The following CEP170 variants were observed in gnomAD, a reference collection of about 807,000 sequenced individuals.
The protein encoded by CEP170 is centrosomal protein 170, also known as centrosomal protein of 170 kDa.
CEP170 carries 21 observed loss-of-function variants against 151.9 expected under a neutral mutation model. The observed-to-expected ratio is 0.14, with a 90% CI of 0.10 to 0.20. The LOEUF is 0.20. Among genes scored for constraint, CEP170 ranks in the 10% least tolerant of loss-of-function variants. The pLI, the probability that CEP170 is intolerant of heterozygous loss-of-function variation, is 1.00. For synonymous variants in CEP170, 356 were observed against 648.8 expected (o/e 0.55, Z 6.86); for missense variants, 964 against 1,892.9 (o/e 0.51, Z 9.11).
chr1:243,242,655 A>G (rs2064969021), intron 1 of CEP170, among the ~76,000 whole-genome samples: 1 of 151,570 alleles, frequency 6.6e-6, no homozygotes, highest in African/African-American at 2.4e-5. Flanking sequence ...CCTTTCACCG[A>G]CTTGGATTCT....
intron 7 of CEP170, among the ~76,000 whole-genome samples, chr1:243,197,141 T>C (rs2148811874): frequency 6.6e-6 from 1 of 152,040 alleles, no homozygotes; most frequent in Admixed American, 6.5e-5. Flanking sequence ...TGCAGGAGGG[T>C]TGAAACCAGG....
chr1:243,239,901 T>C (rs1489998392), intron 1 of CEP170, among the ~76,000 whole-genome samples: 1 of 151,920 alleles, frequency 6.6e-6, no homozygotes, highest in Non-Finnish European at 1.5e-5. Flanking sequence ...CTTTAGTAAA[T>C]GTTCAGCAAA....
At chr1:243,157,674 A>G (rs918888143) in intron 13 of CEP170, among the ~76,000 whole-genome samples, 20 of 152,150 alleles carry the variant, frequency 1.3e-4, no homozygotes, top group Non-Finnish European at 4.4e-5. Context: ...CCTCCACTCT[A>G]ATTTTATGCC....
chr1:243,134,731 T>A (rs2054837100), intron 17 of CEP170, among the ~76,000 whole-genome samples: 1 of 151,686 alleles, frequency 6.6e-6, no homozygotes, highest in Non-Finnish European at 1.5e-5. Flanking sequence ...TAGGCTCAAA[T>A]GATCCGCCTG....
At chr1:243,152,678 C>A (rs980758142) in intron 14 of CEP170, among the ~76,000 whole-genome samples, 2 of 151,246 alleles carry the variant, frequency 1.3e-5, no homozygotes, top group East Asian at 3.9e-4. Flanking sequence ...ACTACAGGCA[C>A]GTACCACCAT....
intron 1 of CEP170, among the ~76,000 whole-genome samples, chr1:243,232,249 G>GCC (rs1009256523): frequency 9.0e-4 from 137 of 152,194 alleles, no homozygotes; most frequent in African/African-American, 3.2e-3. Flanking sequence ...ACAGGTGTGA[G>GCC]CCCCCATGCC....
chr1:243,168,975 T>TTATTTTTAAA (rs1185663194), intron 12 of CEP170, among the ~76,000 whole-genome samples: 4 of 139,656 alleles, frequency 2.9e-5, no homozygotes, highest in Non-Finnish European at 6.2e-5. Flanking sequence ...TGTCTTCAGC[T>TTATTTTTAAA]TATTTTTAAA....
chr1:243,239,366 G>T (rs2064584385), intron 1 of CEP170, among the ~76,000 whole-genome samples: 1 of 151,866 alleles, frequency 6.6e-6, no homozygotes, highest in South Asian at 2.1e-4. Flanking sequence ...TATCCCACTG[G>T]TTCTTACCAA....
rs117324416 is a variant in CEP170, at chr1:243,244,561, G to A, written c.-42+10479C>T. Among the ~76,000 whole-genome samples the A allele has an allele frequency of 1.4e-3, 218 of 152,182 alleles. 6 individuals are homozygous for A. In the East Asian group the frequency reaches 0.038, roughly 27 times the overall value. On this transcript the variant is annotated intron_variant, in intron 1 of 19. Transcript: ENST00000366542. ...AACTTGAGACCGGCCTGGGCAACAC[G>A]GTGAAACCCCATCTTTACCAAAAAC...
rs113894210 is a variant in CEP170 at position 243,247,718 on chromosome 1, G to A, written c.-42+7322C>T. ...TCAAGAATATTATAAAATGATGTGCGAAACTGCCTATCGGGATAGAGTGCA... is the reference window on the plus strand; with the variant it reads ...TCAAGAATATTATAAAATGATGTGCAAAACTGCCTATCGGGATAGAGTGCA... On this transcript the variant is annotated intron_variant, in intron 1 of 19. Transcript: ENST00000366542. Among the ~76,000 whole-genome samples, 362 of 152,226 alleles carry A rather than the reference G, an allele frequency of 2.4e-3. 2 individuals carry two copies. Among genetic ancestry groups the A allele is most frequent in the African/African-American group, 8.2e-3 (339 of 41,530 alleles).
intron 4 of CEP170, among the ~76,000 whole-genome samples, chr1:243,205,977 A>T (rs2061392434): frequency 6.6e-6 from 1 of 152,144 alleles, no homozygotes; most frequent in South Asian, 2.1e-4. Flanking sequence ...GAAAGAAGGA[A>T]GAAAAAAGAA....
At chr1:243,161,766 T>G (rs2058086518) in intron 13 of CEP170, among the ~76,000 whole-genome samples, 1 of 152,222 alleles carries the variant, frequency 6.6e-6, no homozygotes, top group Non-Finnish European at 1.5e-5. Context: ...AAGTTTATAC[T>G]GTGCACAGCA....
chr1:243,128,486 TTAAAC>T (rs1437018631), intron 18 of CEP170, 186 bp from the exon 19 acceptor site: 1 of 537,588 alleles, frequency 1.9e-6, no homozygotes. Flanking sequence ...ATTAAAATAT[TTAAAC>T]TAAAATGAAA....
At chr1:243,251,429 A>C (rs1410947196) in intron 1 of CEP170, among the ~76,000 whole-genome samples, 1 of 152,208 alleles carries the variant, frequency 6.6e-6, no homozygotes, top group African/African-American at 2.4e-5. Context: ...CCTATCACTT[A>C]GGAATGTGTA....
At chr1:243,136,012 G>A in intron 17 of CEP170, 131 bp downstream of exon 17, 2 of 1,421,502 alleles carry the variant, frequency 1.4e-6, no homozygotes, top group Admixed American at 2.3e-5. Flanking sequence ...AGTAGTACTG[G>A]ATAGATATTT....
intron 17 of CEP170, among the ~76,000 whole-genome samples, chr1:243,134,163 CAT>C (rs2054752335): frequency 6.6e-6 from 1 of 152,040 alleles, no homozygotes; most frequent in South Asian, 2.1e-4. Flanking sequence ...TAAGTCAAAT[CAT>C]GTGTAGATAG....
intron 7 of CEP170, among the ~76,000 whole-genome samples, chr1:243,191,774 A>G (rs1572164528): frequency 1.3e-5 from 2 of 152,308 alleles, no homozygotes; most frequent in Admixed American, 1.3e-4. Context: ...GGCTAGGTCC[A>G]TATTTTTTCC....
At chr1:243,221,426 A>C (rs1311856323) in intron 3 of CEP170, 2 of 307,422 alleles carry the variant, frequency 6.5e-6, no homozygotes, top group Non-Finnish European at 1.2e-5. Context: ...TCCCTCATAT[A>C]AATTACAGCC....
intron 14 of CEP170, among the ~76,000 whole-genome samples, chr1:243,151,958 A>T (rs2057124488): frequency 6.6e-6 from 1 of 152,158 alleles, no homozygotes; most frequent in African/African-American, 2.4e-5. Context: ...CTTAAGAATT[A>T]TGCTAAATCT....
Sources: gnomAD v4.1 joint callset for allele counts (sites outside exome capture counted in the v4.1 genomes callset) on GRCh38, gnomAD v4.1.1 for gene constraint, MANE v1.5 for transcripts, NCBI Gene and HGNC (gene_info 2026-07-23, HGNC 2026-07-21) for gene names.